Variants in RSRC1 observed in about 807,000 individuals in gnomAD.
RSRC1 encodes the protein serine/Arginine-related protein 53.
A neutral mutation model predicts 49.1 loss-of-function variants in RSRC1; 39 were observed. That is an observed-to-expected ratio of 0.79 (90% CI 0.61 to 1.04). The LOEUF is 1.04. RSRC1 is among the 50% of genes least tolerant of loss of function. The pLI is 0.00. For missense variants in RSRC1, 388 were observed against 402.4 expected (o/e 0.96, Z 0.31); for synonymous variants, 143 against 130.8 (o/e 1.09, Z -0.63).
intron 3 of RSRC1, among the ~76,000 whole-genome samples, chr3:158,180,954 A>G (rs956119535): frequency 6.6e-6 from 1 of 151,572 alleles, no homozygotes; most frequent in African/African-American, 2.4e-5. Context: ...TCAGGCGCCC[A>G]CCACCACGCC....
chr3:158,286,753 A>T (rs1726587458), intron 4 of RSRC1, among the ~76,000 whole-genome samples: 2 of 152,246 alleles, frequency 1.3e-5, no homozygotes, highest in Admixed American at 6.5e-5. Flanking sequence ...CGGAAGGAAG[A>T]GAAAATAATA....
chr3:158,242,108 G>A (rs566031396), intron 4 of RSRC1, among the ~76,000 whole-genome samples: 10 of 125,722 alleles, frequency 8.0e-5, no homozygotes, highest in African/African-American at 2.8e-4. Context: ...ATAGTTAAGT[G>A]TGTGCCATGG....
At chr3:158,538,099 T>C (rs979588830) in intron 8 of RSRC1, among the ~76,000 whole-genome samples, 2 of 151,912 alleles carry the variant, frequency 1.3e-5, no homozygotes, top group African/African-American at 4.8e-5. Flanking sequence ...CACAGATATC[T>C]TGGTTAACAC....
chr3:158,112,882 G>A (rs1262091652), intron 1 of RSRC1, among the ~76,000 whole-genome samples: 1 of 152,126 alleles, frequency 6.6e-6, no homozygotes, highest in African/African-American at 2.4e-5. Context: ...ACTTATGAGT[G>A]AGAATATGCG....
At chr3:158,184,958 A>ATT (rs1327521906) in intron 3 of RSRC1, among the ~76,000 whole-genome samples, 1 of 151,944 alleles carries the variant, frequency 6.6e-6, no homozygotes, top group Non-Finnish European at 1.5e-5. Context: ...AATGTGAAGT[A>ATT]TTTATTAATG....
At chr3:158,289,119 A>G (rs1726760796) in intron 4 of RSRC1, among the ~76,000 whole-genome samples, 3 of 152,092 alleles carry the variant, frequency 2.0e-5, no homozygotes, top group Admixed American at 2.0e-4. Context: ...TTTCTGCTAT[A>G]ATTTCTCTTA....
intron 4 of RSRC1, among the ~76,000 whole-genome samples, chr3:158,281,422 T>G (rs148211732): frequency 6.6e-6 from 1 of 151,948 alleles, no homozygotes; most frequent in East Asian, 1.9e-4. Context: ...TTTTTGCACA[T>G]GTACGTATAG....
chr3:158,274,867 CTT>C (rs1208430745), intron 4 of RSRC1, among the ~76,000 whole-genome samples: 1 of 152,120 alleles, frequency 6.6e-6, no homozygotes, highest in African/African-American at 2.4e-5. Context: ...ACTTGTATGA[CTT>C]TTTCTGTAGC....
At chr3:158,285,189 A>C (rs1023760561) in intron 4 of RSRC1, among the ~76,000 whole-genome samples, 2 of 152,142 alleles carry the variant, frequency 1.3e-5, no homozygotes, top group African/African-American at 4.8e-5. Flanking sequence ...GGTTTGTCAA[A>C]GATCAGATAG....
intron 4 of RSRC1, among the ~76,000 whole-genome samples, chr3:158,221,583 G>A (rs1722223189): frequency 6.6e-6 from 1 of 151,406 alleles, no homozygotes; most frequent in Non-Finnish European, 1.5e-5. Context: ...GAGTTCGTAA[G>A]TCATTAATAA....
At chr3:158,120,066 G>A (rs1347365885) in intron 1 of RSRC1, among the ~76,000 whole-genome samples, 1 of 151,958 alleles carries the variant, frequency 6.6e-6, no homozygotes, top group Non-Finnish European at 1.5e-5. Flanking sequence ...CCTGACCTCA[G>A]GATCCGCCCG....
chr3:158,285,369 C>A (rs1282229163), intron 4 of RSRC1, among the ~76,000 whole-genome samples: 1 of 152,138 alleles, frequency 6.6e-6, no homozygotes, highest in Non-Finnish European at 1.5e-5. Context: ...ATTGACTTGG[C>A]AATGCGGGCT....
At chr3:158,443,716 G>A (rs1736513786) in intron 6 of RSRC1, among the ~76,000 whole-genome samples, 1 of 152,124 alleles carries the variant, frequency 6.6e-6, no homozygotes, top group South Asian at 2.1e-4. Context: ...ACAATGTGTT[G>A]CACTATTTGG....
chr3:158,192,043 T>C (rs1720271837), intron 3 of RSRC1, among the ~76,000 whole-genome samples: 1 of 152,092 alleles, frequency 6.6e-6, no homozygotes, highest in Non-Finnish European at 1.5e-5. Flanking sequence ...TTCCTCTCTT[T>C]GTTTTTGCAT....
intron 5 of RSRC1, among the ~76,000 whole-genome samples, chr3:158,323,985 T>G (rs1360159594): frequency 1.3e-5 from 2 of 152,214 alleles, no homozygotes; most frequent in African/African-American, 2.4e-5. Flanking sequence ...ATGATCTAAA[T>G]TTGTATCCTG....
intron 6 of RSRC1, among the ~76,000 whole-genome samples, chr3:158,426,030 A>C (rs1325994875): frequency 6.6e-6 from 1 of 151,684 alleles, no homozygotes; most frequent in African/African-American, 2.4e-5. Flanking sequence ...TAAGTGAGGG[A>C]AGATGGATTT....
At chr3:158,272,176 G>A (rs1357163599) in intron 4 of RSRC1, among the ~76,000 whole-genome samples, 1 of 152,044 alleles carries the variant, frequency 6.6e-6, no homozygotes, top group Non-Finnish European at 1.5e-5. Context: ...CTTAAGCCCC[G>A]TGGATTTTTT....
rs954324974 is a variant in RSRC1, at chr3:158,179,250, C to T, written c.321-23822C>T. On this transcript the variant is annotated intron_variant, in intron 3 of 9. Transcript: ENST00000611884. ...ATAATACGGAGAGATCCTATACACT[C>T]TTTGTCCTGTTTCCCTGATGATAAT... Among the ~76,000 whole-genome samples the T allele has an allele frequency of 6.6e-5, 10 of 152,182 alleles. No homozygotes were observed. In the East Asian group the frequency reaches 1.9e-3, roughly 29 times the overall value.
chr3:158,276,760 T>C (rs976932128), intron 4 of RSRC1, among the ~76,000 whole-genome samples: 1 of 152,200 alleles, frequency 6.6e-6, no homozygotes, highest in South Asian at 2.1e-4. Context: ...TAGCTCTCCT[T>C]GTATTTTGTT....
Sources: allele counts gnomAD v4.1 joint callset (sites outside exome capture counted in the v4.1 genomes callset), GRCh38; gene constraint gnomAD v4.1.1; transcripts MANE v1.5; gene names NCBI Gene and HGNC (gene_info 2026-07-23, HGNC 2026-07-21).